Variants in CD200R1 observed in about 807,000 individuals in gnomAD.
CD200R1 encodes the protein cell surface glycoprotein CD200 receptor 1.
CD200R1 carries 30 observed loss-of-function variants against 38.1 expected under a neutral mutation model. The observed-to-expected ratio is 0.79, with a 90% CI of 0.59 to 1.07. The LOEUF is 1.07. CD200R1 is among the 50% of genes least tolerant of loss of function. The probability of loss-of-function intolerance (pLI) is 0.00; values close to 1 mark genes in which losing one functional copy is unlikely to be tolerated. For synonymous variants in CD200R1, 128 were observed against 152.1 expected (o/e 0.84, Z 1.16); for missense variants, 372 against 415.4 (o/e 0.90, Z 0.91).
chr3:112,922,857 C>CAT lies in CD200R1; in HGVS notation c.*818_*819dup, dbSNP rs1940202434. 6.6e-6 allele frequency: 1 copy of CAT among 151,798 alleles called. No homozygotes were observed. Among genetic ancestry groups the CAT allele is most frequent in the South Asian group, 2.1e-4 (1 of 4,822 alleles). 9.4% of individuals were successfully genotyped at this position (151,798 alleles called of 1,614,324 possible). The stretch of plus-strand genomic sequence containing the variant: ...TTAAACAATGTTGGAGGGAATTTGA[C>CAT]ATATATATTTGACACAATTTAACAT... On this transcript the variant is annotated 3_prime_UTR_variant, in exon 8 of 8. Transcript: ENST00000308611.
At chr3:112,974,705 T>C (rs1436620699) in intron 1 of CD200R1, 86 bp downstream of exon 1, 1 of 868,134 alleles carries the variant, frequency 1.2e-6, no homozygotes, top group Non-Finnish European at 2.0e-6. Flanking sequence ...TTGATTTGTA[T>C]TGCCCCAGAA....
intron 2 of CD200R1, among the ~76,000 whole-genome samples, chr3:112,939,535 C>A (rs1247417806): frequency 6.6e-6 from 1 of 151,378 alleles, no homozygotes; most frequent in East Asian, 1.9e-4. Context: ...ACAATAGCTA[C>A]AAAAATATAT....
chr3:112,948,932 A>C (rs16860272), intron 1 of CD200R1, among the ~76,000 whole-genome samples: 4,319 of 152,302 alleles, frequency 0.028, 192 homozygotes, highest in East Asian at 0.21. Context: ...GCAATGATCG[A>C]AGTTGCCTGT....
At chr3:112,951,749 A>G (rs899250580) in intron 1 of CD200R1, among the ~76,000 whole-genome samples, 4 of 151,344 alleles carry the variant, frequency 2.6e-5, no homozygotes, top group African/African-American at 9.7e-5. Flanking sequence ...AGCACAAACA[A>G]TTGGAAAATG....
At chr3:112,955,842 C>A (rs1479998434) in intron 1 of CD200R1, among the ~76,000 whole-genome samples, 1 of 150,874 alleles carries the variant, frequency 6.6e-6, no homozygotes, top group African/African-American at 2.4e-5. Flanking sequence ...TTTTCTGGCC[C>A]ATAAGGTTTC....
chr3:112,924,427 A>C, intron 7 of CD200R1, 63 bp downstream of exon 7: 1 of 1,194,058 alleles, frequency 8.4e-7, no homozygotes, highest in Non-Finnish European at 1.1e-6. Flanking sequence ...ACTACAAATT[A>C]TGTTGCTAGA....
Position 112,922,473 on chromosome 3 carries a change from A to G in CD200R1, c.*1204T>C, listed in dbSNP as rs1165117699. On this transcript the variant is annotated 3_prime_UTR_variant, in exon 8 of 8. Coordinates refer to ENST00000308611, the MANE Select transcript of CD200R1 (RefSeq NM_138806.4). ...TGTAAATAAATACCCCATGTCCTCT[A>G]TGGTGCATTTTTCGCCACTTATATG... 1 of 151,966 alleles carries G rather than the reference A, an allele frequency of 6.6e-6. No individual in the cohort carries two copies. The allele number at this position is 151,966 out of a possible 1,614,324, so 9.4% of individuals were successfully genotyped here. A position where few individuals can be genotyped will look rare whatever the true frequency, so the allele number is the denominator to read the frequency against.
chr3:112,922,368 C>A lies in CD200R1; in HGVS notation c.*1309G>T, dbSNP rs1940186886. ...TTAACAATGATTTACATAAACATTGCCAATATTTTGCTCCACAAAAATATG... is the reference window on the plus strand; with the variant it reads ...TTAACAATGATTTACATAAACATTGACAATATTTTGCTCCACAAAAATATG... On this transcript the variant is annotated 3_prime_UTR_variant, in exon 8 of 8. Coordinates refer to ENST00000308611, the MANE Select transcript of CD200R1 (RefSeq NM_138806.4). 1 of 151,876 alleles carries A rather than the reference C, an allele frequency of 6.6e-6. No individual in the cohort carries two copies. Among genetic ancestry groups the A allele is most frequent in the South Asian group, 2.1e-4 (1 of 4,820 alleles). 9.4% of individuals were successfully genotyped at this position (151,876 alleles called of 1,614,324 possible). A position where few individuals can be genotyped will look rare whatever the true frequency, so the allele number is the denominator to read the frequency against.
intron 2 of CD200R1, among the ~76,000 whole-genome samples, chr3:112,944,464 A>T (rs2107320808): frequency 8.5e-6 from 1 of 117,704 alleles, no homozygotes; most frequent in South Asian, 3.0e-4. Context: ...CTCTCAGTAA[A>T]CTGGGATAAA....
chr3:112,960,063 A>T (rs1932977983), intron 1 of CD200R1, among the ~76,000 whole-genome samples: 1 of 152,014 alleles, frequency 6.6e-6, no homozygotes, highest in Non-Finnish European at 1.5e-5. Context: ...TCTCCTAAAG[A>T]TTCAGGGTTT....
In CD200R1 at chr3:112,928,834, A is replaced by G. The variant is rs766722001; in HGVS notation, c.751T>C (p.Tyr251His). The G allele has an allele frequency of 6.2e-7, 1 of 1,613,028 alleles. No homozygotes were observed. Among genetic ancestry groups the G allele is most frequent in the Non-Finnish European group, 8.5e-7 (1 of 1,179,504 alleles). The change falls in exon 5 of 8, where the codon TAC becomes CAC. Residue 251 changes from tyrosine to histidine, a missense_variant. Coordinates refer to ENST00000308611, the MANE Select transcript of CD200R1 (RefSeq NM_138806.4). ...TACTGACCAGGAAGTAGCTCTATGTACAGACTCTTGTTGCCAGTCAAATGG... is the reference window on the plus strand; with the variant it reads ...TACTGACCAGGAAGTAGCTCTATGTGCAGACTCTTGTTGCCAGTCAAATGG... ...VSHLTGNKSLYIELLPVPGAK... is the reference protein window; with the variant it reads ...VSHLTGNKSLHIELLPVPGAK...
intron 1 of CD200R1, among the ~76,000 whole-genome samples, chr3:112,972,572 A>G (rs1056656477): frequency 6.6e-6 from 1 of 152,192 alleles, no homozygotes; most frequent in African/African-American, 2.4e-5. Flanking sequence ...GAAGTGGCAC[A>G]GGGTACGGGG....
At chr3:112,936,603 T>C (rs1940589084) in intron 2 of CD200R1, among the ~76,000 whole-genome samples, 1 of 152,246 alleles carries the variant, frequency 6.6e-6, no homozygotes, top group Admixed American at 6.5e-5. Context: ...GTATGTCTTC[T>C]TTTGAGAATT....
intron 5 of CD200R1, among the ~76,000 whole-genome samples, 156 bp downstream of exon 5, chr3:112,928,660 C>A (rs2107302814): frequency 6.6e-6 from 1 of 152,274 alleles, no homozygotes; most frequent in East Asian, 1.9e-4. Flanking sequence ...CTGTACTATT[C>A]TCCTCAACTC....
At chr3:112,964,009 G>A (rs368696664) in intron 1 of CD200R1, among the ~76,000 whole-genome samples, 3 of 152,190 alleles carry the variant, frequency 2.0e-5, no homozygotes, top group African/African-American at 7.2e-5. Context: ...GGCTTCAGAG[G>A]GTGCAAGCCT....
chr3:112,961,733 C>G (rs1320867938), intron 1 of CD200R1, among the ~76,000 whole-genome samples: 1 of 151,908 alleles, frequency 6.6e-6, no homozygotes, highest in Non-Finnish European at 1.5e-5. Context: ...CAAGCAAAAA[C>G]CTGGGGAATG....
At chr3:112,957,432 C>G (rs1285528241) in intron 1 of CD200R1, among the ~76,000 whole-genome samples, 2 of 151,970 alleles carry the variant, frequency 1.3e-5, no homozygotes, top group African/African-American at 4.8e-5. Context: ...GATGGAACAA[C>G]TGGTTATACA....
At chr3:112,956,934 A>T (rs773992578) in intron 1 of CD200R1, among the ~76,000 whole-genome samples, 1 of 152,154 alleles carries the variant, frequency 6.6e-6, no homozygotes, top group Non-Finnish European at 1.5e-5. Flanking sequence ...TTTGCCTCAC[A>T]TGGGTTATAG....
intron 1 of CD200R1, among the ~76,000 whole-genome samples, chr3:112,952,819 C>T (rs984641007): frequency 2.6e-5 from 4 of 152,006 alleles, no homozygotes; most frequent in Non-Finnish European, 4.4e-5. Context: ...AATAATTTTT[C>T]GTGGAGTCTT....
Sources: gnomAD v4.1 joint callset for allele counts (sites outside exome capture counted in the v4.1 genomes callset) on GRCh38, gnomAD v4.1.1 for gene constraint, MANE v1.5 for transcripts, NCBI Gene and HGNC (gene_info 2026-07-23, HGNC 2026-07-21) for gene names.